The following LMNA variants were observed in gnomAD, a reference collection of about 807,000 sequenced individuals.
LMNA encodes lamin.
A neutral mutation model predicts 70.4 loss-of-function variants in LMNA; 20 were observed. That is an observed-to-expected ratio of 0.28 (90% confidence interval 0.20 to 0.41). The LOEUF (loss-of-function observed/expected upper bound fraction) is 0.41. Among genes scored for constraint, LMNA ranks in the 10% least tolerant of loss-of-function variants. LMNA has a pLI of 1.00. For synonymous variants in LMNA, 339 were observed against 372.8 expected (o/e 0.91, Z 1.04); for missense variants, 652 against 917.2 (o/e 0.71, Z 3.73).
Position 156,139,716 on chromosome 1 carries a change from G to A in LMNA, c.*610G>A, listed in dbSNP as rs950506988. 6.5e-7 allele frequency: 1 copy of A among 1,531,240 alleles called. No individual in the cohort carries two copies. Among genetic ancestry groups the A allele is most frequent in the Non-Finnish European group, 8.7e-7 (1 of 1,145,386 alleles). 94.9% of individuals were successfully genotyped at this position (1,531,240 alleles called of 1,614,324 possible). A position where few individuals can be genotyped will look rare whatever the true frequency, so the allele number is the denominator to read the frequency against. ...CCCCACCCCTGCCCCCAGCCCCGGGGTGAGTCCATTCTCCCAGGTACCAGC... is the reference window on the plus strand; with the variant it reads ...CCCCACCCCTGCCCCCAGCCCCGGGATGAGTCCATTCTCCCAGGTACCAGC... On this transcript the variant is annotated 3_prime_UTR_variant, in exon 12 of 12. Transcript: ENST00000368300.
chr1:156,125,655 C>T (rs1035272384), intron 1 of LMNA, among the ~76,000 whole-genome samples: 8 of 151,390 alleles, frequency 5.3e-5, no homozygotes, highest in Admixed American at 3.3e-4. Context: ...CGCCACTCTA[C>T]TCTAGCCTGG....
chr1:156,104,986 C>T lies in LMNA; in HGVS notation c.-206-9727C>T, dbSNP rs190701178. The stretch of plus-strand genomic sequence containing the variant: ...TTAGCTCCTCCCTGGGTAGCCTGAG[C>T]GGGCCAGGGCCTGAGAGCATGCCAG... On this transcript the variant is annotated intron_variant, in intron 3 of 12. Transcript: ENST00000368301. Among the ~76,000 whole-genome samples the T allele has an allele frequency of 7.8e-4, 119 of 152,296 alleles. 1 individual carries two copies. The highest frequency in any genetic ancestry group is 2.6e-3 in the African/African-American group (109 of 41,554).
chr1:156,113,758 C>T (rs968823258), upstream of LMNA, among the ~76,000 whole-genome samples: 4 of 152,130 alleles, frequency 2.6e-5, no homozygotes, highest in African/African-American at 9.7e-5. Flanking sequence ...AGTGTCTTGG[C>T]AACGTAATGA....
At chr1:156,082,864 T>G (rs981243128) in intron 1 of LMNA, 4 of 152,130 alleles carry the variant, frequency 2.6e-5, no homozygotes, top group African/African-American at 9.7e-5. Context: ...CCGTCCCCGC[T>G]CGCTCACTGC....
At chr1:156,105,688 C>A (rs1572325026) in intron 3 of LMNA, among the ~76,000 whole-genome samples, 1 of 152,170 alleles carries the variant, frequency 6.6e-6, no homozygotes, top group African/African-American at 2.4e-5. Flanking sequence ...CGAAGAGGAG[C>A]CCTGCCAAAC....
chr1:156,085,356 G>A (rs975492797), intron 2 of LMNA, among the ~76,000 whole-genome samples: 1 of 152,204 alleles, frequency 6.6e-6, no homozygotes, highest in African/African-American at 2.4e-5. Flanking sequence ...TCCCTCAACT[G>A]AGAAGGTAGA....
intron 1 of LMNA, among the ~76,000 whole-genome samples, chr1:156,124,293 C>G (rs1431125271): frequency 1.3e-5 from 2 of 151,664 alleles, no homozygotes; most frequent in Admixed American, 6.6e-5. Context: ...CTCTCTCTCT[C>G]TCTCTTTTTT....
chr1:156,126,615 G>A (rs1408014081), intron 1 of LMNA: 3 of 1,008,314 alleles, frequency 3.0e-6, no homozygotes, highest in South Asian at 1.3e-5. Flanking sequence ...TGTCCCACCA[G>A]GCACAGCTCT....
rs568190036 is a variant in LMNA at position 156,115,993 on chromosome 1, C to A, written c.356+719C>A. ...CCGGGAGATGAGAGATCGGCTCCCC[C>A]GCAGCTCCCACAGCCCTTGGCCTGC... is the stretch of plus-strand genomic sequence containing the variant. On this transcript the variant is annotated intron_variant, in intron 1 of 11. Transcript: ENST00000368300. This position sits in a 1 kb window ranked among gnomAD's most constrained non-coding sequence, Gnocchi z 5.8. Among the ~76,000 whole-genome samples the A allele has an allele frequency of 7.2e-5, 11 of 152,342 alleles. No homozygotes were observed. The highest frequency in any genetic ancestry group is 3.4e-3 in the Middle Eastern group (1 of 294).
chr1:156,089,168 G>A (rs559730549), intron 2 of LMNA, among the ~76,000 whole-genome samples: 4 of 152,014 alleles, frequency 2.6e-5, no homozygotes, highest in African/African-American at 4.8e-5. Context: ...GTAGAGATGG[G>A]GTTTTGCCAT....
At chr1:156,126,795 C>A (rs1650620648) in intron 1 of LMNA, 1 of 1,606,940 alleles carries the variant, frequency 6.2e-7, no homozygotes, top group African/African-American at 1.3e-5. Flanking sequence ...CCTCAAGAGG[C>A]CACTGGGATG....
chr1:156,134,413 C>T lies in LMNA; in HGVS notation c.524C>T (p.Ala175Val), dbSNP rs369714176. ...LRGQVAKLEA[A>V]LGEAKKQLQD... The stretch of plus-strand genomic sequence containing the variant: ...CCTGCTTCCTCACAGCTTGAGGCAG[C>T]CCTAGGTGAGGCCAAGAAGCAACTT... The change falls in exon 3 of 12, where the codon GCC becomes GTC. Residue 175 changes from alanine to valine, a missense_variant. Coordinates refer to ENST00000368300, the MANE Select transcript of LMNA (RefSeq NM_170707.4). The surrounding 1 kb of genome is among the most constrained non-coding windows in gnomAD (Gnocchi z 5.3). 6 of 1,613,986 alleles carry T rather than the reference C, an allele frequency of 3.7e-6. No individual in the cohort carries two copies. In the African/African-American group the frequency reaches 8.0e-5, roughly 22 times the overall value.
At position 156,137,861 on chromosome 1, in the gene LMNA, A is replaced by G; in HGVS notation, c.1698+118A>G. 6.5e-7 allele frequency: 1 copy of G among 1,528,748 alleles called. No individual in the cohort carries two copies. Among genetic ancestry groups the G allele is most frequent in the Non-Finnish European group, 8.8e-7 (1 of 1,141,762 alleles). 94.7% of individuals were successfully genotyped at this position (1,528,748 alleles called of 1,614,324 possible). On this transcript the variant is annotated intron_variant, in intron 10 of 11. Transcript: ENST00000368300. The surrounding 1 kb of genome is among the most constrained non-coding windows in gnomAD (Gnocchi z 4.6). ...TCTTTTCATTAAAGAATGTTTTGGA[A>G]CTTTACTCGCTGGCCTGGCCTTTCT...
chr1:156,129,949 G>A, intron 1 of LMNA: 2 of 737,588 alleles, frequency 2.7e-6, no homozygotes, highest in South Asian at 2.9e-5. Flanking sequence ...TGAGGCAGGA[G>A]GGAGGGAGGC....
At chr1:156,094,860 A>C (rs892627494) in intron 3 of LMNA, among the ~76,000 whole-genome samples, 5 of 151,320 alleles carry the variant, frequency 3.3e-5, no homozygotes, top group African/African-American at 1.2e-4. Context: ...CCTGGGTTCA[A>C]GTGATTCTCC....
intron 3 of LMNA, among the ~76,000 whole-genome samples, chr1:156,102,209 G>A (rs1245670027): frequency 2.0e-5 from 3 of 152,300 alleles, no homozygotes; most frequent in South Asian, 2.1e-4. Flanking sequence ...ACACGGGGGC[G>A]GGACAGTGGA....
At chr1:156,125,715 G>A (rs1292992955) in intron 1 of LMNA, among the ~76,000 whole-genome samples, 3 of 151,452 alleles carry the variant, frequency 2.0e-5, no homozygotes, top group African/African-American at 2.4e-5. Flanking sequence ...GGGGCTGGGC[G>A]CGGTGGCTCA....
intron 1 of LMNA, chr1:156,129,947 G>A (rs1295138075): frequency 1.4e-6 from 1 of 737,534 alleles, no homozygotes; most frequent in Non-Finnish European, 2.5e-6. Context: ...GATGAGGCAG[G>A]AGGGAGGGAG....
chr1:156,087,348 G>A (rs1648519629), intron 2 of LMNA, among the ~76,000 whole-genome samples: 1 of 150,170 alleles, frequency 6.7e-6, no homozygotes, highest in South Asian at 2.1e-4. Context: ...GGTTCAAGCA[G>A]TTCTCTGCCT....
Sources: allele counts gnomAD v4.1 joint callset (sites outside exome capture counted in the v4.1 genomes callset), GRCh38; gene constraint gnomAD v4.1.1; non-coding constraint Gnocchi (gnomAD v3.1); transcripts MANE v1.5; gene names NCBI Gene and HGNC (gene_info 2026-07-23, HGNC 2026-07-21).